Variants in NAV2 observed in about 807,000 individuals in gnomAD.
The protein encoded by NAV2 is helicase, APC down-regulated 1.
A neutral mutation model predicts 223.2 loss-of-function variants in NAV2; 54 were observed. That is an observed-to-expected ratio of 0.24 (90% CI 0.19 to 0.30). The LOEUF (loss-of-function observed/expected upper bound fraction) is 0.30. NAV2 is among the 10% of genes least tolerant of loss of function. The pLI is 1.00. For missense variants in NAV2, 2,806 were observed against 3,147.5 expected (o/e 0.89, Z 2.60); for synonymous variants, 1,279 against 1,239.3 (o/e 1.03, Z -0.67).
chr11:19,349,876 G>A (rs1024271575), upstream of NAV2, among the ~76,000 whole-genome samples: 10 of 152,122 alleles, frequency 6.6e-5, no homozygotes, highest in African/African-American at 2.4e-4. Context: ...TCTATCTGCA[G>A]ATTCCCAGGC....
In NAV2 at chr11:19,933,661, C is replaced by A; in HGVS notation, c.1417C>A (p.Arg473=). 6.2e-7 allele frequency: 1 copy of A among 1,614,096 alleles called. No individual in the cohort carries two copies. Among genetic ancestry groups the A allele is most frequent in the Non-Finnish European group, 8.5e-7 (1 of 1,180,034 alleles). Reference sequence around the variant, plus strand: ...GGGCATTGCCCAGAGGACTTTTAGCCGGGCACTGACCAACAAGAAGAGTTC... The same window carrying A: ...GGGCATTGCCCAGAGGACTTTTAGCAGGGCACTGACCAACAAGAAGAGTTC... ...LKGIAQRTFS[R]ALTNKKSSLK... is the part of the protein sequence containing the mutation. Residue 473 remains arginine (R), a synonymous_variant, in exon 7 of 38, where the codon CGG becomes AGG. Transcript: ENST00000349880. The surrounding 1 kb of genome is among the most constrained non-coding windows in gnomAD (Gnocchi z 4.3).
intron 1 of NAV2, among the ~76,000 whole-genome samples, chr11:19,524,160 G>A (rs1051999211): frequency 2.6e-5 from 4 of 152,176 alleles, no homozygotes; most frequent in Non-Finnish European, 5.9e-5. Context: ...CATCTCTGGA[G>A]CCCTGGCATT....
At chr11:19,792,274 C>T (rs1485983642) in intron 1 of NAV2, among the ~76,000 whole-genome samples, 1 of 152,170 alleles carries the variant, frequency 6.6e-6, no homozygotes, top group Non-Finnish European at 1.5e-5. Context: ...TCTCCCTTCT[C>T]CCATAATTTC....
chr11:19,638,304 G>A (rs1343428595), intron 1 of NAV2, among the ~76,000 whole-genome samples: 1 of 152,230 alleles, frequency 6.6e-6, no homozygotes, highest in African/African-American at 2.4e-5. Flanking sequence ...ACAGTAGTAA[G>A]TAAAACCCAG....
chr11:19,444,462 T>C (rs1851512149), intron 1 of NAV2, among the ~76,000 whole-genome samples: 1 of 152,158 alleles, frequency 6.6e-6, no homozygotes, highest in Non-Finnish European at 1.5e-5. Context: ...CTCTTCCAGA[T>C]GGGCTCATAA....
intron 1 of NAV2, among the ~76,000 whole-genome samples, chr11:19,420,250 C>T (rs1850554049): frequency 6.6e-6 from 1 of 152,056 alleles, no homozygotes; most frequent in Non-Finnish European, 1.5e-5. Flanking sequence ...TATATGCACA[C>T]TAGAATGGCT....
chr11:19,947,348 G>A (rs2047012329), intron 9 of NAV2, among the ~76,000 whole-genome samples: 1 of 152,240 alleles, frequency 6.6e-6, no homozygotes, highest in African/African-American at 2.4e-5. Context: ...AACAAAAACA[G>A]CTTAAGGGAC....
At chr11:20,027,322 A>G (rs2055197406) in intron 11 of NAV2, 2 of 985,354 alleles carry the variant, frequency 2.0e-6, no homozygotes, top group Non-Finnish European at 1.2e-6. Flanking sequence ...TTTCACGGGA[A>G]CAATTGCCTT....
chr11:19,671,485 G>T (rs1045690501), intron 1 of NAV2, among the ~76,000 whole-genome samples: 4 of 152,104 alleles, frequency 2.6e-5, no homozygotes, highest in Non-Finnish European at 4.4e-5. Flanking sequence ...CCACAGGTTG[G>T]CATGATGTGC....
chr11:19,673,730 T>G (rs1053230414), intron 1 of NAV2, among the ~76,000 whole-genome samples: 2 of 152,186 alleles, frequency 1.3e-5, no homozygotes, highest in Non-Finnish European at 2.9e-5. Context: ...CTTGCAACTT[T>G]CTGCTCTCGG....
At chr11:19,675,124 G>A (rs1260361139) in intron 1 of NAV2, among the ~76,000 whole-genome samples, 1 of 152,060 alleles carries the variant, frequency 6.6e-6, no homozygotes, top group East Asian at 1.9e-4. Context: ...AGGATCCTTA[G>A]CATGGTAAAA....
intron 1 of NAV2, among the ~76,000 whole-genome samples, chr11:19,365,009 G>A (rs1854182957): frequency 6.6e-6 from 1 of 152,200 alleles, no homozygotes; most frequent in South Asian, 2.1e-4. Context: ...TTGAGGGAAA[G>A]AAATTCACCT....
chr11:19,525,761 G>C (rs2043821445), intron 1 of NAV2, among the ~76,000 whole-genome samples: 1 of 152,068 alleles, frequency 6.6e-6, no homozygotes, highest in Admixed American at 6.6e-5. Context: ...TTATCTAGGA[G>C]ACAAAAAATG....
intron 1 of NAV2, among the ~76,000 whole-genome samples, chr11:19,445,806 ATGTGCCAGGTACCATATTAGG>A (rs1273499406): frequency 1.4e-5 from 2 of 147,240 alleles, no homozygotes; most frequent in Non-Finnish European, 3.0e-5. Flanking sequence ...GGGAAGTTAC[ATGTGCCAGGTACCATATTAGG>A]CTCTAAACAG....
Position 20,035,967 on chromosome 11 carries a change from ACAGCAGCTCCGT to A in NAV2, c.2785_2796del (p.Ser929_Ser932del). 3 of 1,614,172 alleles carry A rather than the reference ACAGCAGCTCCGT, an allele frequency of 1.9e-6. No homozygotes were observed. The highest frequency in any genetic ancestry group is 2.5e-6 in the Non-Finnish European group (3 of 1,180,012). ...TGTGTTTGTCTTGGCAGCTGGGACG[ACAGCAGCTCCGT>A]CAGCAGCGGCATCAGCGACACCATA... On this transcript the variant is annotated inframe_deletion, in exon 12 of 38. Coordinates refer to ENST00000349880, the MANE Select transcript of NAV2 (RefSeq NM_145117.5).
chr11:19,684,156 AG>A (rs1277111733), intron 1 of NAV2, among the ~76,000 whole-genome samples: 23 of 152,158 alleles, frequency 1.5e-4, no homozygotes, highest in African/African-American at 5.3e-4. Context: ...TTTTCTTCAA[AG>A]GGTATTGTGT....
chr11:19,392,661 A>G (rs1224861355), intron 1 of NAV2, among the ~76,000 whole-genome samples: 1 of 152,134 alleles, frequency 6.6e-6, no homozygotes, highest in African/African-American at 2.4e-5. Flanking sequence ...CATTCTGTTC[A>G]TTGGGAGTGA....
At chr11:19,996,572 C>T (rs1379919660) in intron 11 of NAV2, among the ~76,000 whole-genome samples, 1 of 152,208 alleles carries the variant, frequency 6.6e-6, no homozygotes, top group African/African-American at 2.4e-5. Flanking sequence ...GCCAGAACCC[C>T]CAGCTGAGGC....
At position 20,048,849 on chromosome 11, in the gene NAV2, T is replaced by C; in HGVS notation, c.4024T>C (p.Ser1342Pro). 1.9e-6 allele frequency: 3 copies of C among 1,614,156 alleles called. No individual in the cohort carries two copies. The highest frequency in any genetic ancestry group is 2.7e-5 in the African/African-American group (2 of 75,050). The change falls in exon 15 of 38, where the codon TCA (serine) becomes CCA (proline). Residue 1342 changes from serine to proline, a missense_variant. This residue lies in a region of NAV2 where 742 missense variants were observed against 777.9 expected (regional missense o/e 0.95). Transcript: ENST00000349880. ...TCAGCAAGGTAACCTAGACTCCCCG[T>C]CAGGCAGTGGCGTCCTGAGCAGTGG... ...MTQQGNLDSP[S>P]GSGVLSSGSS...
Sources: allele counts gnomAD v4.1 joint callset (sites outside exome capture counted in the v4.1 genomes callset), GRCh38; gene constraint gnomAD v4.1.1; regional missense constraint gnomAD v4.1.1; non-coding constraint Gnocchi (gnomAD v3.1); transcripts MANE v1.5; gene names NCBI Gene and HGNC (gene_info 2026-07-23, HGNC 2026-07-21).